ESYT3: variants seen among roughly 807,000 people sequenced by gnomAD.
The protein encoded by ESYT3 is extended synaptotagmin 3.
A neutral mutation model predicts 111.5 loss-of-function variants in ESYT3; 101 were observed. That is an observed-to-expected ratio of 0.91 (90% CI 0.77 to 1.07). The LOEUF is 1.07. ESYT3 is among the 50% of genes least tolerant of loss of function. ESYT3 has a pLI of 0.00. For synonymous variants in ESYT3, 416 were observed against 446.8 expected, an observed-to-expected ratio of 0.93 and a Z score of 0.87; for missense variants, 1,097 against 1,109.4, an observed-to-expected ratio of 0.99 and a Z score of 0.16.
chr3:138,455,163 G>A (rs755723780), intron 2 of ESYT3, 31 bp from the exon 3 acceptor site: 3 of 1,613,262 alleles, frequency 1.9e-6, no homozygotes, highest in Non-Finnish European at 2.5e-6. Context: ...GTACAGACCT[G>A]ACTACCAAGA....
intron 1 of ESYT3, among the ~76,000 whole-genome samples, chr3:138,448,372 C>T (rs1240321289): frequency 6.6e-6 from 1 of 151,362 alleles, no homozygotes; most frequent in Non-Finnish European, 1.5e-5. Flanking sequence ...CTGGAACAGG[C>T]CGACTTATGG....
chr3:138,465,152 CAT>C (rs1263693670), intron 9 of ESYT3, among the ~76,000 whole-genome samples, 185 bp from the exon 10 acceptor site: 6 of 152,204 alleles, frequency 3.9e-5, no homozygotes, highest in Non-Finnish European at 7.3e-5. Context: ...ATGGCTTGCA[CAT>C]GTTTTCTCTA....
chr3:138,446,255 G>A (rs2031531089), intron 1 of ESYT3, among the ~76,000 whole-genome samples: 1 of 152,204 alleles, frequency 6.6e-6, no homozygotes, highest in South Asian at 2.1e-4. Flanking sequence ...TGCTGTGTGA[G>A]GTTTTCTTAG....
chr3:138,444,477 G>C (rs773689291), intron 1 of ESYT3, among the ~76,000 whole-genome samples: 3 of 152,214 alleles, frequency 2.0e-5, no homozygotes, highest in African/African-American at 7.2e-5. Context: ...TTGCTAGAGA[G>C]CTGGATTTGT....
intron 19 of ESYT3, 113 bp from the exon 20 acceptor site, chr3:138,474,106 TTC>T: frequency 7.3e-7 from 1 of 1,377,500 alleles, no homozygotes; most frequent in South Asian, 1.3e-5. Context: ...TAATATAGCC[TTC>T]TCTCAAATGT....
chr3:138,468,307 G>A (rs2108624385), intron 12 of ESYT3, 113 bp downstream of exon 12: 1 of 969,506 alleles, frequency 1.0e-6, no homozygotes, highest in South Asian at 1.4e-5. Flanking sequence ...CTCACCTCCT[G>A]AAGAACATGT....
In ESYT3 at chr3:138,455,304, T is replaced by C. The variant is rs1380916176; in HGVS notation, c.480T>C (p.Phe160=). 1 of 1,613,952 alleles carries C rather than the reference T, an allele frequency of 6.2e-7. No individual in the cohort carries two copies. The highest frequency in any genetic ancestry group is 8.5e-7 in the Non-Finnish European group (1 of 1,180,010). Residue 160 remains phenylalanine (F), a synonymous_variant, in exon 3 of 23, where the codon TTT becomes TTC. Transcript: ENST00000389567. ...EKSIHLRTFT[F]TKLYFGQKCP... is the part of the protein sequence containing the mutation. ...GCATCCACCTGAGGACCTTTACCTT[T>C]ACCAAGCTCTACTTTGGACAGAAGG...
rs1379472125 is a variant in ESYT3, at chr3:138,478,723, G to GCAGA, written c.*1873_*1876dup. 2 of 152,196 alleles carry GCAGA rather than the reference G, an allele frequency of 1.3e-5. No individual in the cohort carries two copies. The highest frequency in any genetic ancestry group is 2.9e-5 in the Non-Finnish European group (2 of 68,038). 9.4% of individuals were successfully genotyped at this position (152,196 alleles called of 1,614,324 possible). On this transcript the variant is annotated 3_prime_UTR_variant, in exon 23 of 23. Coordinates refer to ENST00000389567, the MANE Select transcript of ESYT3 (RefSeq NM_031913.5). ...AAGGGAACCAGAATTTTAGTACACA[G>GCAGA]CAGACAGGAGGCAAGGTTATATAGG...
Position 138,435,129 on chromosome 3 carries a change from A to C in ESYT3, c.327+4A>C. ...GGGCCAGCACCTGCCAGCCTGGGTG[A>C]GCCAAGCCGGGTGGGAGTGGGAGGT... On this transcript the variant is annotated splice_donor_region_variant and intron_variant, in intron 1 of 22. Transcript: ENST00000389567. The surrounding 1 kb of genome is among the most constrained non-coding windows in gnomAD (Gnocchi z 4.8). The C allele has an allele frequency of 1.3e-6, 2 of 1,572,518 alleles. No homozygotes were observed. The highest frequency in any genetic ancestry group is 1.7e-6 in the Non-Finnish European group (2 of 1,160,346).
downstream of ESYT3, chr3:138,481,153 A>T (rs2033681119): frequency 6.6e-6 from 1 of 152,234 alleles, no homozygotes; most frequent in Admixed American, 6.5e-5. Flanking sequence ...ATAATTTCAC[A>T]ACTTGTGACT....
At chr3:138,450,345 A>C (rs1444149959) in intron 1 of ESYT3, among the ~76,000 whole-genome samples, 1 of 152,182 alleles carries the variant, frequency 6.6e-6, no homozygotes, top group Non-Finnish European at 1.5e-5. Flanking sequence ...GACCAGACCC[A>C]GGGTAGCTGC....
intron 3 of ESYT3, among the ~76,000 whole-genome samples, chr3:138,456,603 C>T (rs937781443): frequency 3.6e-4 from 55 of 152,202 alleles, no homozygotes; most frequent in African/African-American, 1.2e-3. Context: ...GCTCCGCCTC[C>T]TGTCAGATCA....
intron 1 of ESYT3, among the ~76,000 whole-genome samples, chr3:138,447,789 A>G (rs2031641562): frequency 6.6e-6 from 1 of 152,226 alleles, no homozygotes; most frequent in Non-Finnish European, 1.5e-5. Flanking sequence ...GTGAATAAAT[A>G]AAGGGTGTCA....
intron 3 of ESYT3, among the ~76,000 whole-genome samples, chr3:138,456,521 C>G (rs774003): frequency 0.61 from 93,265 of 151,938 alleles, 29,672 homozygotes; most frequent in East Asian, 0.94. Context: ...TGGTGGTTGT[C>G]TCTATGCCAG....
At chr3:138,469,296 G>A in intron 14 of ESYT3, 140 bp from the exon 15 acceptor site, 1 of 715,372 alleles carries the variant, frequency 1.4e-6, no homozygotes, top group Admixed American at 2.4e-5. Context: ...GGGGACTGGG[G>A]CATTAGAGTA....
chr3:138,469,615 C>T (rs1273200920), intron 15 of ESYT3, 111 bp downstream of exon 15: 1 of 788,368 alleles, frequency 1.3e-6, no homozygotes, highest in Middle Eastern at 2.4e-4. Flanking sequence ...CTAGTAGGCA[C>T]TTGATGTTAT....
At chr3:138,469,368 G>T (rs773657674) in intron 14 of ESYT3, 68 bp from the exon 15 acceptor site, 48 of 1,392,700 alleles carry the variant, frequency 3.4e-5, no homozygotes, top group Middle Eastern at 3.5e-4. Context: ...CTGGGGGTTG[G>T]GGGTAGGACT....
Position 138,470,882 on chromosome 3 carries a change from T to C in ESYT3, c.1596T>C (p.Leu532=). The change falls in exon 17 of 23, where the codon CTT becomes CTC. Residue 532 remains leucine, a synonymous_variant. Coordinates refer to ENST00000389567, the MANE Select transcript of ESYT3 (RefSeq NM_031913.5). ...GTGACTGGACCACTGCCCAGGTGCTTGATGATGACCAGGAGTGTGCTCTGG... is the reference window on the plus strand; with the variant it reads ...GTGACTGGACCACTGCCCAGGTGCTCGATGATGACCAGGAGTGTGCTCTGG... ...VATERLHLKV[L]DDDQECALGM... The C allele has an allele frequency of 6.2e-7, 1 of 1,614,102 alleles. No homozygotes were observed. Among genetic ancestry groups the C allele is most frequent in the Non-Finnish European group, 8.5e-7 (1 of 1,179,998 alleles).
intron 8 of ESYT3, among the ~76,000 whole-genome samples, chr3:138,462,646 T>G (rs543948027): frequency 5.9e-5 from 9 of 152,238 alleles, no homozygotes; most frequent in African/African-American, 2.2e-4. Flanking sequence ...CCTTCACTTA[T>G]AAGTCATGGT....
Sources: allele counts gnomAD v4.1 joint callset (sites outside exome capture counted in the v4.1 genomes callset), GRCh38; gene constraint gnomAD v4.1.1; non-coding constraint Gnocchi (gnomAD v3.1); transcripts MANE v1.5; gene names NCBI Gene and HGNC (gene_info 2026-07-23, HGNC 2026-07-21).